RBFOX3: variants seen among roughly 807,000 people sequenced by gnomAD.
RBFOX3 encodes the protein RNA binding protein fox-1 homolog 3.
Under a neutral mutation model 48.7 loss-of-function variants are expected in RBFOX3, and 17 were observed. That is an observed-to-expected ratio of 0.35 (90% CI 0.24 to 0.52). RBFOX3 has a LOEUF of 0.52. Ranked by LOEUF, RBFOX3 falls within the 20% of genes least tolerant of loss-of-function variation. The pLI is 0.94. For synonymous variants in RBFOX3, 212 were observed against 209.5 expected (o/e 1.01, Z -0.10); for missense variants, 382 against 497.5 (o/e 0.77, Z 2.21).
chr17:79,549,660 ACTG>A (rs1347165568), intron 1 of RBFOX3, among the ~76,000 whole-genome samples: 1 of 152,110 alleles, frequency 6.6e-6, no homozygotes, highest in Admixed American at 6.5e-5. Context: ...TCCTGTGGGC[ACTG>A]GGGAAGGAGA....
At chr17:79,492,265 A>T (rs1351532417) in intron 1 of RBFOX3, among the ~76,000 whole-genome samples, 1 of 152,138 alleles carries the variant, frequency 6.6e-6, no homozygotes, top group African/African-American at 2.4e-5. Flanking sequence ...AGGCTCTAAG[A>T]CAGCCCCTGT....
At chr17:79,499,145 C>A (rs185325956) in intron 1 of RBFOX3, among the ~76,000 whole-genome samples, 18 of 151,004 alleles carry the variant, frequency 1.2e-4, no homozygotes, top group Admixed American at 9.2e-4. Context: ...CCCATCCATT[C>A]ACTCATCCAC....
upstream of RBFOX3, among the ~76,000 whole-genome samples, chr17:79,611,162 CTCTCTCTCTCTCCGCCCTCCT>C (rs2093963229): frequency 1.6e-3 from 56 of 36,040 alleles, 8 homozygotes; most frequent in African/African-American, 3.2e-3. Flanking sequence ...CTCTCTCTCT[CTCTCTCTCTCTCCGCCCTCCT>C]TCTCTCTCTC....
intron 1 of RBFOX3, among the ~76,000 whole-genome samples, chr17:79,574,765 T>G (rs1020974904): frequency 0.022 from 3,334 of 152,318 alleles, 123 homozygotes; most frequent in African/African-American, 0.076. Context: ...CTTCACAGGT[T>G]CGCTGAGTGA....
intron 1 of RBFOX3, among the ~76,000 whole-genome samples, chr17:79,483,095 T>C (rs952687016): frequency 5.6e-4 from 85 of 152,256 alleles, no homozygotes; most frequent in African/African-American, 1.9e-3. Context: ...TGACACAGCC[T>C]TCCACTGGTG....
At chr17:79,485,955 G>A (rs1253539221) in intron 1 of RBFOX3, among the ~76,000 whole-genome samples, 1 of 152,258 alleles carries the variant, frequency 6.6e-6, no homozygotes, top group African/African-American at 2.4e-5. Context: ...CTCCGCAGTG[G>A]GAAACACCAT....
intron 3 of RBFOX3, among the ~76,000 whole-genome samples, chr17:79,264,595 T>C (rs2066363300): frequency 6.6e-6 from 1 of 152,156 alleles, no homozygotes; most frequent in African/African-American, 2.4e-5. Context: ...TGGTCATCTG[T>C]CACAGCAGCC....
intron 9 of RBFOX3, chr17:79,098,425 GA>G (rs1568122718): frequency 7.9e-5 from 12 of 152,296 alleles, no homozygotes; most frequent in Admixed American, 2.6e-4. Flanking sequence ...CAGACTGTTC[GA>G]AACTCACGGG....
In RBFOX3 at chr17:79,290,463, C is replaced by A. The variant is rs34046229; in HGVS notation, c.-74+17261G>T. On this transcript the variant is annotated intron_variant, in intron 3 of 14. Coordinates refer to ENST00000693108, the MANE Select transcript of RBFOX3 (RefSeq NM_001350451.2). ...GGTGTCATGGGCTTCCCATGAGGACCCGAAAGCACAGCCTATGTGTGGCTC... is the reference window on the plus strand; with the variant it reads ...GGTGTCATGGGCTTCCCATGAGGACACGAAAGCACAGCCTATGTGTGGCTC... 5.5e-3 allele frequency among the ~76,000 whole-genome samples: 842 copies of A among 151,952 alleles called. 8 individuals carry two copies. Among genetic ancestry groups the A allele is most frequent in the South Asian group, 0.026 (127 of 4,794 alleles).
intron 1 of RBFOX3, among the ~76,000 whole-genome samples, chr17:79,606,421 C>G (rs1279958114): frequency 1.3e-5 from 2 of 152,134 alleles, no homozygotes; most frequent in African/African-American, 4.8e-5. Context: ...CCGTGGTACC[C>G]GGGCAAGACG....
intron 2 of RBFOX3, among the ~76,000 whole-genome samples, chr17:79,464,444 G>A (rs977048853): frequency 1.3e-5 from 2 of 152,232 alleles, no homozygotes; most frequent in South Asian, 2.1e-4. Context: ...GAGGTGTCAC[G>A]TGCACCTCGG....
At chr17:79,474,374 G>A (rs2077426893) in intron 2 of RBFOX3, among the ~76,000 whole-genome samples, 1 of 152,230 alleles carries the variant, frequency 6.6e-6, no homozygotes, top group African/African-American at 2.4e-5. Context: ...CTGTGTGACA[G>A]GGTCTGTTTG....
chr17:79,162,364 GGCCGCCCCCAGCCCGGTGAGTGGAGT>G (rs2047151593), intron 4 of RBFOX3, among the ~76,000 whole-genome samples: 2 of 152,148 alleles, frequency 1.3e-5, no homozygotes, highest in Non-Finnish European at 2.9e-5. Context: ...CGTCGGACAA[GGCCGCCCCCAGCCCGGTGAGTGGAGT>G]GCCGCGCCCA....
intron 4 of RBFOX3, among the ~76,000 whole-genome samples, chr17:79,129,603 T>C (rs2038280194): frequency 6.6e-6 from 1 of 152,208 alleles, no homozygotes; most frequent in Non-Finnish European, 1.5e-5. Context: ...GACACTGTCC[T>C]TCAAGGTGCA....
At chr17:79,352,698 G>C (rs975694790) in intron 2 of RBFOX3, among the ~76,000 whole-genome samples, 1 of 152,220 alleles carries the variant, frequency 6.6e-6, no homozygotes, top group Non-Finnish European at 1.5e-5. Context: ...TACATCCACA[G>C]TGAGTGAAGA....
intron 4 of RBFOX3, among the ~76,000 whole-genome samples, chr17:79,176,300 G>A (rs1159074424): frequency 6.6e-6 from 1 of 152,202 alleles, no homozygotes; most frequent in African/African-American, 2.4e-5. Flanking sequence ...CCCTTCTGTG[G>A]CTGTCGGGCC....
intron 1 of RBFOX3, among the ~76,000 whole-genome samples, chr17:79,498,845 A>AC (rs1205594968): frequency 8.3e-6 from 1 of 120,274 alleles, no homozygotes; most frequent in African/African-American, 3.1e-5. Context: ...CCATCCTTCC[A>AC]CCCACCACAT....
chr17:79,266,951 T>A (rs1224179433), intron 3 of RBFOX3, among the ~76,000 whole-genome samples: 1 of 152,148 alleles, frequency 6.6e-6, no homozygotes, highest in Non-Finnish European at 1.5e-5. Context: ...GCATGCCACT[T>A]TCTTGAGTTC....
intron 2 of RBFOX3, among the ~76,000 whole-genome samples, chr17:79,356,394 A>C (rs1460884558): frequency 2.1e-5 from 1 of 46,606 alleles, no homozygotes; most frequent in Non-Finnish European, 4.2e-5. Context: ...TTTGAGGAGG[A>C]GTCTCACTCT....
Sources: gnomAD v4.1 joint callset for allele counts (sites outside exome capture counted in the v4.1 genomes callset) on GRCh38, gnomAD v4.1.1 for gene constraint, MANE v1.5 for transcripts, NCBI Gene and HGNC (gene_info 2026-07-23, HGNC 2026-07-21) for gene names.